The following ERBB4 variants were observed in gnomAD, a reference collection of about 807,000 sequenced individuals.
ERBB4 encodes erb-b2 receptor tyrosine kinase 4.
In ERBB4, 42 loss-of-function variants were observed where a neutral mutation model predicts 158.0. The ratio of observed to expected loss-of-function variants is 0.27; its 90% CI spans 0.21 to 0.34. ERBB4 has a LOEUF of 0.34. ERBB4 is among the 10% of genes least tolerant of loss of function. The pLI, the probability that ERBB4 is intolerant of heterozygous loss-of-function variation, is 1.00. For missense variants in ERBB4, 1,333 were observed against 1,624.1 expected, an observed-to-expected ratio of 0.82 and a Z score of 3.08; for synonymous variants, 583 against 558.7, an observed-to-expected ratio of 1.04 and a Z score of -0.61.
intron 1 of ERBB4, among the ~76,000 whole-genome samples, chr2:212,242,911 G>C (rs2084167497): frequency 6.6e-6 from 1 of 152,132 alleles, no homozygotes; most frequent in Admixed American, 6.6e-5. Flanking sequence ...GAAATATTTT[G>C]ACAGGGGAGA....
intron 3 of ERBB4, among the ~76,000 whole-genome samples, chr2:211,872,749 C>T (rs2078384796): frequency 6.6e-6 from 1 of 151,910 alleles, no homozygotes; most frequent in Admixed American, 6.6e-5. Flanking sequence ...GTAAGTGATA[C>T]AATTTTATCG....
intron 20 of ERBB4, among the ~76,000 whole-genome samples, chr2:211,545,109 G>A (rs549609097): frequency 1.2e-3 from 178 of 152,156 alleles, no homozygotes; most frequent in African/African-American, 4.1e-3. Flanking sequence ...TAGAAACTGA[G>A]TCATTTCAGG....
intron 1 of ERBB4, among the ~76,000 whole-genome samples, chr2:212,234,280 G>C (rs1469059734): frequency 2.0e-5 from 3 of 152,012 alleles, no homozygotes; most frequent in Non-Finnish European, 2.9e-5. Context: ...ATGGTTTCCA[G>C]TATCATCCAT....
intron 1 of ERBB4, among the ~76,000 whole-genome samples, chr2:212,510,655 A>G (rs1173572283): frequency 1.3e-5 from 2 of 152,080 alleles, no homozygotes; most frequent in African/African-American, 2.4e-5. Context: ...AGTAGATAGA[A>G]TAACAGGGCA....
At chr2:212,339,703 CAG>C (rs1310267215) in intron 1 of ERBB4, among the ~76,000 whole-genome samples, 5 of 151,556 alleles carry the variant, frequency 3.3e-5, no homozygotes, top group Non-Finnish European at 5.9e-5. Context: ...GGGGAAATAA[CAG>C]GGGAGAGCAA....
chr2:212,485,562 C>T (rs1471849106), intron 1 of ERBB4, among the ~76,000 whole-genome samples: 1 of 152,114 alleles, frequency 6.6e-6, no homozygotes, highest in Non-Finnish European at 1.5e-5. Flanking sequence ...ATTTCAAGTA[C>T]TCCAAGATGA....
At chr2:211,711,201 T>C (rs551673208) in intron 9 of ERBB4, among the ~76,000 whole-genome samples, 59 of 152,300 alleles carry the variant, frequency 3.9e-4, no homozygotes, top group African/African-American at 1.3e-3. Context: ...CACTTTGTTC[T>C]ATTGTTCTTG....
chr2:211,408,148 A>C (rs185212777), intron 25 of ERBB4, among the ~76,000 whole-genome samples: 1 of 152,352 alleles, frequency 6.6e-6, no homozygotes, highest in East Asian at 1.9e-4. Flanking sequence ...ATTTGAATAG[A>C]AAGTTGATGA....
chr2:211,725,063 A>G lies in ERBB4; in HGVS notation c.741+13T>C, dbSNP rs1201718831. On this transcript the variant is annotated intron_variant, in intron 6 of 27. Transcript: ENST00000342788. Reference sequence around the variant, plus strand: ...GAGAGCAGGATAATAAAAGAGAGAAATCACAGACATACAAAGCAGTCTGTG... The same window carrying G: ...GAGAGCAGGATAATAAAAGAGAGAAGTCACAGACATACAAAGCAGTCTGTG... The G allele has an allele frequency of 1.3e-6, 2 of 1,523,638 alleles. No individual in the cohort carries two copies. The highest frequency in any genetic ancestry group is 1.8e-6 in the Non-Finnish European group (2 of 1,097,382). The allele number at this position is 1,523,638 out of a possible 1,614,324, so 94.4% of individuals were successfully genotyped here.
chr2:211,824,095 G>A (rs2077047027), intron 3 of ERBB4, among the ~76,000 whole-genome samples: 1 of 151,962 alleles, frequency 6.6e-6, no homozygotes, highest in Non-Finnish European at 1.5e-5. Context: ...TATGGCAAGT[G>A]CTTTCCCATT....
Position 211,377,049 on chromosome 2 carries a change from C to T in ERBB4, c.*6566G>A, listed in dbSNP as rs116359385. On this transcript the variant is annotated 3_prime_UTR_variant, in exon 28 of 28. Transcript: ENST00000342788. ...ATATCTACATTTAGAAAATAACTTT[C>T]GTAGTTGATTACTGGAGTAATCCCA... 2,720 of 232,898 alleles carry T rather than the reference C, an allele frequency of 0.012. 57 individuals carry two copies. The highest frequency in any genetic ancestry group is 0.056 in the African/African-American group (2,519 of 45,376). The allele number at this position is 232,898 out of a possible 1,614,324, so 14.4% of individuals were successfully genotyped here.
chr2:211,648,315 A>T (rs564578780), intron 16 of ERBB4, among the ~76,000 whole-genome samples: 1 of 151,876 alleles, frequency 6.6e-6, no homozygotes, highest in East Asian at 1.9e-4. Flanking sequence ...TGCATATCAC[A>T]TACTCATTTA....
intron 19 of ERBB4, among the ~76,000 whole-genome samples, chr2:211,608,730 A>T (rs1344504258): frequency 2.6e-5 from 4 of 152,158 alleles, no homozygotes; most frequent in Non-Finnish European, 5.9e-5. Context: ...CAGTTGAGTT[A>T]AATTATTTTC....
chr2:212,334,393 G>A (rs1308712942), intron 1 of ERBB4, among the ~76,000 whole-genome samples: 3 of 151,974 alleles, frequency 2.0e-5, no homozygotes, highest in Non-Finnish European at 4.4e-5. Context: ...ACAGTGTCTT[G>A]CTCTGTACAA....
intron 3 of ERBB4, among the ~76,000 whole-genome samples, chr2:211,846,820 A>G (rs2077600412): frequency 6.6e-6 from 1 of 152,168 alleles, no homozygotes; most frequent in Non-Finnish European, 1.5e-5. Context: ...GAACCCTGAA[A>G]AGTTTAAAAA....
At chr2:211,392,602 C>A (rs57380151) in intron 25 of ERBB4, among the ~76,000 whole-genome samples, 29,578 of 121,616 alleles carry the variant, frequency 0.24, 3,578 homozygotes, top group Non-Finnish European at 0.32. Flanking sequence ...ACACACACAC[C>A]CCAATAATGA....
At chr2:212,524,633 C>T (rs2106324973) in intron 1 of ERBB4, among the ~76,000 whole-genome samples, 1 of 152,008 alleles carries the variant, frequency 6.6e-6, no homozygotes, top group Non-Finnish European at 1.5e-5. Context: ...TGATTTTCTC[C>T]TAGGCTAATT....
At chr2:211,854,748 A>T (rs554653794) in intron 3 of ERBB4, among the ~76,000 whole-genome samples, 1 of 152,260 alleles carries the variant, frequency 6.6e-6, no homozygotes, top group East Asian at 1.9e-4. Flanking sequence ...ATTGAAATTT[A>T]GGTTGTTAGC....
intron 1 of ERBB4, among the ~76,000 whole-genome samples, chr2:212,263,018 T>C (rs2085000344): frequency 6.6e-6 from 1 of 152,132 alleles, no homozygotes; most frequent in South Asian, 2.1e-4. Context: ...AAGTTCATGA[T>C]AAGACCACAG....
Sources: gnomAD v4.1 joint callset for allele counts (sites outside exome capture counted in the v4.1 genomes callset) on GRCh38, gnomAD v4.1.1 for gene constraint, MANE v1.5 for transcripts, NCBI Gene and HGNC (gene_info 2026-07-23, HGNC 2026-07-21) for gene names.